Variants in ADGRL1 observed in about 807,000 individuals in gnomAD.
ADGRL1 encodes the protein adhesion G protein-coupled receptor L1.
In ADGRL1, 31 loss-of-function variants were observed where a neutral mutation model predicts 148.9. That is an observed-to-expected ratio of 0.21 (90% CI 0.16 to 0.28). The LOEUF (loss-of-function observed/expected upper bound fraction) is 0.28. Among genes scored for constraint, ADGRL1 ranks in the 10% least tolerant of loss-of-function variants. The pLI, the probability that ADGRL1 is intolerant of heterozygous loss-of-function variation, is 1.00. For missense variants in ADGRL1, 1,521 were observed against 2,058.8 expected, an observed-to-expected ratio of 0.74 and a Z score of 5.05; for synonymous variants, 937 against 900.3, an observed-to-expected ratio of 1.04 and a Z score of -0.73.
intron 4 of ADGRL1, chr19:14,169,665 G>A (rs995715887): frequency 1.3e-5 from 2 of 152,164 alleles, no homozygotes; most frequent in Admixed American, 6.5e-5. Flanking sequence ...GAGGGGAGAG[G>A]AGGGAGAGTT....
intron 1 of ADGRL1, among the ~76,000 whole-genome samples, chr19:14,204,790 T>C (rs1972871515): frequency 6.6e-6 from 1 of 151,622 alleles, no homozygotes; most frequent in Admixed American, 6.6e-5. Context: ...GGCAGCCATT[T>C]TGAACCCCTC....
chr19:14,157,837 C>G lies in ADGRL1; in HGVS notation c.2535+45G>C. ...TCTAGGATGCCATGCAAAGCCAGGC[C>G]AGCAATCGGGCCTGCCTGGAGGAGC... On this transcript the variant is annotated intron_variant, in intron 13 of 22. Transcript: ENST00000361434. This position sits in a 1 kb window ranked among gnomAD's most constrained non-coding sequence, Gnocchi z 7.5. 6.2e-7 allele frequency: 1 copy of G among 1,602,712 alleles called. No homozygotes were observed. The highest frequency in any genetic ancestry group is 8.5e-7 in the Non-Finnish European group (1 of 1,174,250).
intron 2 of ADGRL1, 32 bp downstream of exon 2, chr19:14,183,501 C>T (rs747320456): frequency 1.9e-5 from 29 of 1,547,190 alleles, no homozygotes; most frequent in East Asian, 1.5e-4. Flanking sequence ...GTTTGGGAGC[C>T]GCGGCCCCTC....
In ADGRL1 at chr19:14,163,104, G is replaced by T; in HGVS notation, c.697C>A (p.Leu233Ile). 1 of 1,614,098 alleles carries T rather than the reference G, an allele frequency of 6.2e-7. No homozygotes were observed. The highest frequency in any genetic ancestry group is 8.5e-7 in the Non-Finnish European group (1 of 1,180,010). ...TCCCCGCTCTTGATGCGCGTCCGTA[G>T]GTCATACTTGACGATGTTGCGCGTG... ...ERTRNIVKYD[L>I]RTRIKSGETV... Residue 233 changes from leucine (L) to isoleucine (I), a missense_variant, in exon 5 of 23, where the codon CTA becomes ATA. This residue lies in a region of ADGRL1 where 334 missense variants were observed against 512.5 expected (regional missense o/e 0.65). Transcript: ENST00000361434.
intron 11 of ADGRL1, 109 bp downstream of exon 11, chr19:14,158,981 A>G: frequency 2.9e-6 from 4 of 1,360,534 alleles, no homozygotes; most frequent in Non-Finnish European, 4.1e-6. Context: ...CTAGCATGAG[A>G]AAAGGTCAGC....
At position 14,159,759 on chromosome 19, in the gene ADGRL1, C is replaced by T. The variant is rs753897402; in HGVS notation, c.1815G>A (p.Glu605=). 6.2e-7 allele frequency: 1 copy of T among 1,613,908 alleles called. No homozygotes were observed. The highest frequency in any genetic ancestry group is 8.5e-7 in the Non-Finnish European group (1 of 1,179,950). The change falls in exon 9 of 23, where the codon GAG becomes GAA. Residue 605 remains glutamate (E), a synonymous_variant. Coordinates refer to ENST00000361434, the MANE Select transcript of ADGRL1 (RefSeq NM_014921.5). This position sits in a 1 kb window ranked among gnomAD's most constrained non-coding sequence, Gnocchi z 6.0. ...CCTTGATATAATCCTTACAAGTTCT[C>T]TCTCGCTTGTGCATCTAGAAAGAGA... is the stretch of plus-strand genomic sequence containing the variant. ...GKNYNKMHKR[E]RTCKDYIKAV...
At chr19:14,178,677 C>T (rs898159729) in intron 2 of ADGRL1, among the ~76,000 whole-genome samples, 8 of 152,086 alleles carry the variant, frequency 5.3e-5, no homozygotes, top group Admixed American at 1.3e-4. Flanking sequence ...CCACCATGTC[C>T]GGCTAATTTT....
At position 14,151,139 on chromosome 19, in the gene ADGRL1, T is replaced by C; in HGVS notation, c.4144A>G (p.Ser1382Gly). The C allele has an allele frequency of 6.3e-7, 1 of 1,596,404 alleles. No homozygotes were observed. Among genetic ancestry groups the C allele is most frequent in the East Asian group, 2.2e-5 (1 of 44,450 alleles). ...SPPGRDSLYA[S>G]GANLRDSPSY... is the part of the protein sequence containing the mutation. ...GGTGAGTCCCGCAGGTTGGCCCCGC[T>C]GGCATAGAGGGAGTCCCGGCCAGGA... is the stretch of plus-strand genomic sequence containing the variant. The change falls in exon 23 of 23, where the codon AGC (serine) becomes GGC (glycine). Residue 1382 changes from serine to glycine, a missense_variant. Coordinates refer to ENST00000361434, the MANE Select transcript of ADGRL1 (RefSeq NM_014921.5).
chr19:14,168,280 T>C (rs1382471618), intron 4 of ADGRL1, among the ~76,000 whole-genome samples: 1 of 152,198 alleles, frequency 6.6e-6, no homozygotes, highest in Non-Finnish European at 1.5e-5. Context: ...ACTCAGGAGA[T>C]GCTCAGTGAA....
At chr19:14,156,458 C>T (rs1458227709) in intron 16 of ADGRL1, among the ~76,000 whole-genome samples, 200 bp downstream of exon 16, 1 of 151,920 alleles carries the variant, frequency 6.6e-6, no homozygotes. Flanking sequence ...CACAGCCCCC[C>T]AGGCGAGCAG....
rs1346813528 is a variant in ADGRL1, at chr19:14,158,962, A to G, written c.2149+128T>C. The G allele has an allele frequency of 2.4e-6, 3 of 1,228,406 alleles. No homozygotes were observed. The African/African-American group carries it at 4.5e-5, about 18-fold the overall frequency. The allele number at this position is 1,228,406 out of a possible 1,614,324, so 76.1% of individuals were successfully genotyped here. On this transcript the variant is annotated intron_variant, in intron 11 of 22. Transcript: ENST00000361434. ...ACTTCAGGGCCCATGAATCCCCTCA[A>G]ATTTTACACTAGCATGAGAAAAGGT...
rs34163270 is a variant in ADGRL1 at position 14,153,582 on chromosome 19, A to AT, written c.3295-671dup. On this transcript the variant is annotated intron_variant, in intron 18 of 22. Coordinates refer to ENST00000361434, the MANE Select transcript of ADGRL1 (RefSeq NM_014921.5). ...AGGCGCACACCACCACACCTGGCTA[A>AT]TTTTTTTTTTTTTTTTTGTATTTTT... Among the ~76,000 whole-genome samples the AT allele has an allele frequency of 5.7e-3, 738 of 128,426 alleles. 11 individuals are homozygous for AT. The East Asian group carries it at 0.061, about 11-fold the overall frequency. 84.3% of individuals were successfully genotyped at this position (128,426 alleles called of 152,430 possible). A position where few individuals can be genotyped will look rare whatever the true frequency, so the allele number is the denominator to read the frequency against.
At chr19:14,199,844 C>A (rs1972487997) in intron 1 of ADGRL1, among the ~76,000 whole-genome samples, 1 of 152,090 alleles carries the variant, frequency 6.6e-6, no homozygotes, top group African/African-American at 2.4e-5. Flanking sequence ...AGCGATTCTC[C>A]TGACTCAGAC....
chr19:14,164,592 C>G (rs1031179474), intron 4 of ADGRL1: 3 of 152,306 alleles, frequency 2.0e-5, no homozygotes, highest in East Asian at 3.9e-4. Context: ...CCAGGCCCCC[C>G]ACCTCCCCTG....
At chr19:14,156,322 C>A in intron 16 of ADGRL1, 121 bp from the exon 17 acceptor site, 1 of 771,470 alleles carries the variant, frequency 1.3e-6, no homozygotes, top group East Asian at 2.6e-5. Flanking sequence ...CTGGGAGAAC[C>A]CCGTACCTGC....
intron 2 of ADGRL1, among the ~76,000 whole-genome samples, chr19:14,178,458 T>C (rs1156494298): frequency 1.3e-5 from 2 of 151,794 alleles, no homozygotes; most frequent in Non-Finnish European, 2.9e-5. Context: ...TAAGCCATGA[T>C]TGTGCCATTG....
At chr19:14,204,243 A>C (rs1972807860) in intron 1 of ADGRL1, among the ~76,000 whole-genome samples, 2 of 152,074 alleles carry the variant, frequency 1.3e-5, no homozygotes, top group Non-Finnish European at 2.9e-5. Context: ...TCCTACTTTT[A>C]AGTAATAAAT....
chr19:14,173,891 A>T (rs1970642058), intron 3 of ADGRL1, among the ~76,000 whole-genome samples: 1 of 144,484 alleles, frequency 6.9e-6, no homozygotes, highest in Admixed American at 7.2e-5. Context: ...GGTTGCAGTG[A>T]GCCGAGATCA....
intron 16 of ADGRL1, 91 bp downstream of exon 16, chr19:14,156,567 G>T (rs571189658): frequency 9.3e-5 from 75 of 803,118 alleles, no homozygotes; most frequent in East Asian, 6.7e-4. Flanking sequence ...GTGTGTGTGT[G>T]GGGGGGGTGG....
Sources: gnomAD v4.1 joint callset for allele counts (sites outside exome capture counted in the v4.1 genomes callset) on GRCh38, gnomAD v4.1.1 for gene constraint, gnomAD v4.1.1 regional missense constraint, Gnocchi (gnomAD v3.1) non-coding constraint, MANE v1.5 for transcripts, NCBI Gene and HGNC (gene_info 2026-07-23, HGNC 2026-07-21) for gene names.